Variants in CNTNAP2 observed in about 807,000 individuals in gnomAD.
The protein encoded by CNTNAP2 is contactin-associated protein-like 2.
Under a neutral mutation model 155.2 loss-of-function variants are expected in CNTNAP2, and 98 were observed. The ratio of observed to expected loss-of-function variants is 0.63; its 90% CI spans 0.54 to 0.75. CNTNAP2 has a LOEUF of 0.75. Among genes scored for constraint, CNTNAP2 ranks in the 30% least tolerant of loss-of-function variants. CNTNAP2 has a pLI of 0.00. For missense variants in CNTNAP2, 1,727 were observed against 1,688.1 expected, an observed-to-expected ratio of 1.02 and a Z score of -0.40; for synonymous variants, 651 against 631.2, an observed-to-expected ratio of 1.03 and a Z score of -0.47.
At chr7:147,009,883 T>G (rs538156241) in intron 3 of CNTNAP2, among the ~76,000 whole-genome samples, 144 of 152,274 alleles carry the variant, frequency 9.5e-4, no homozygotes, top group South Asian at 2.3e-3. Context: ...TGTATATAGA[T>G]GTATATGAAA....
At chr7:147,763,618 A>G (rs1357554251) in intron 13 of CNTNAP2, among the ~76,000 whole-genome samples, 4 of 152,120 alleles carry the variant, frequency 2.6e-5, no homozygotes, top group African/African-American at 9.7e-5. Flanking sequence ...GTTTCTCTGA[A>G]GACTTATTAC....
chr7:147,392,027 C>T (rs1380934823), intron 9 of CNTNAP2, among the ~76,000 whole-genome samples: 1 of 152,110 alleles, frequency 6.6e-6, no homozygotes, highest in Non-Finnish European at 1.5e-5. Context: ...CAATACTCTA[C>T]CTGGAAATGT....
Position 147,506,506 on chromosome 7 carries a change from C to T in CNTNAP2, c.1777+20465C>T, listed in dbSNP as rs139686018. On this transcript the variant is annotated intron_variant, in intron 11 of 23. Transcript: ENST00000361727. Reference sequence around the variant, plus strand: ...CCGACCTCAGGCAATCCACCTGCCTCGGCCTCCCAAAATGCTGGGATTACA... The same window carrying T: ...CCGACCTCAGGCAATCCACCTGCCTTGGCCTCCCAAAATGCTGGGATTACA... Among the ~76,000 whole-genome samples the T allele has an allele frequency of 2.3e-4, 35 of 152,290 alleles. No homozygotes were observed. The East Asian group carries it at 5.0e-3, about 22-fold the overall frequency.
chr7:147,807,986 T>TAAA (rs59556780), intron 13 of CNTNAP2, among the ~76,000 whole-genome samples: 3,770 of 146,654 alleles, frequency 0.026, 84 homozygotes, highest in Non-Finnish European at 0.042. Flanking sequence ...CTTTCTTTTT[T>TAAA]AAAAAAAAAA....
chr7:147,638,038 C>A (rs1324672532), intron 12 of CNTNAP2, among the ~76,000 whole-genome samples: 2 of 152,060 alleles, frequency 1.3e-5, no homozygotes, highest in African/African-American at 4.8e-5. Flanking sequence ...AGTTGGTTAC[C>A]TAGCATCTTC....
At chr7:146,664,415 C>G (rs1800151547) in intron 1 of CNTNAP2, among the ~76,000 whole-genome samples, 1 of 152,086 alleles carries the variant, frequency 6.6e-6, no homozygotes, top group Non-Finnish European at 1.5e-5. Flanking sequence ...CCCATCTCAG[C>G]CTCCCAAAGT....
chr7:146,540,465 CAGAA>C (rs1394592046), intron 1 of CNTNAP2, among the ~76,000 whole-genome samples: 4 of 152,140 alleles, frequency 2.6e-5, no homozygotes, highest in African/African-American at 9.6e-5. Context: ...AGGCTGATAA[CAGAA>C]AGAAGTATTA....
At chr7:147,712,944 T>C (rs934204032) in intron 13 of CNTNAP2, among the ~76,000 whole-genome samples, 3 of 152,270 alleles carry the variant, frequency 2.0e-5, no homozygotes, top group African/African-American at 2.4e-5. Flanking sequence ...CCCACCCTTT[T>C]GACATTTGAT....
At chr7:147,771,698 G>T (rs950901159) in intron 13 of CNTNAP2, among the ~76,000 whole-genome samples, 23 of 151,898 alleles carry the variant, frequency 1.5e-4, no homozygotes, top group African/African-American at 5.6e-4. Context: ...ATGTGTTTTA[G>T]GCAGGATTTG....
At chr7:148,146,139 A>C (rs1326289517) in intron 16 of CNTNAP2, among the ~76,000 whole-genome samples, 3 of 152,198 alleles carry the variant, frequency 2.0e-5, no homozygotes, top group Non-Finnish European at 4.4e-5. Context: ...ACCAGCCAAA[A>C]GAAGCTGAAT....
chr7:148,394,283 T>A (rs541440568), intron 22 of CNTNAP2, among the ~76,000 whole-genome samples: 48 of 152,320 alleles, frequency 3.2e-4, no homozygotes, highest in African/African-American at 1.1e-3. Flanking sequence ...TGAGGCTCCA[T>A]CCTCTCCACC....
intron 14 of CNTNAP2, among the ~76,000 whole-genome samples, chr7:147,945,103 CA>C (rs1481439625): frequency 5.3e-5 from 8 of 152,134 alleles, no homozygotes; most frequent in African/African-American, 1.9e-4. Flanking sequence ...AATTGCTAAA[CA>C]AATCAATTGG....
At chr7:146,768,793 T>G (rs1802243483) in intron 1 of CNTNAP2, among the ~76,000 whole-genome samples, 1 of 152,192 alleles carries the variant, frequency 6.6e-6, no homozygotes, top group Admixed American at 6.5e-5. Flanking sequence ...ACCAAATGGG[T>G]CATATAAAAC....
chr7:147,898,965 A>G (rs1055205920), intron 13 of CNTNAP2, among the ~76,000 whole-genome samples: 51 of 83,400 alleles, frequency 6.1e-4, no homozygotes, highest in Non-Finnish European at 9.1e-4. Flanking sequence ...ATATTGCAAA[A>G]TGTCTTTTTT....
chr7:146,454,176 G>T (rs1201486719), intron 1 of CNTNAP2, among the ~76,000 whole-genome samples: 3 of 152,058 alleles, frequency 2.0e-5, no homozygotes, highest in Non-Finnish European at 4.4e-5. Flanking sequence ...ACACAAAATG[G>T]CTGCTTATTC....
chr7:147,662,959 A>AT lies in CNTNAP2; in HGVS notation c.2098+23661dup, dbSNP rs1008850519. On this transcript the variant is annotated intron_variant, in intron 13 of 23. Coordinates refer to ENST00000361727, the MANE Select transcript of CNTNAP2 (RefSeq NM_014141.6). ...GAAAGTTACTTAGTTTTAGAGCGTG[A>AT]TTTTTTTTGTCTCACTGGATGTTTC... 3.9e-5 allele frequency among the ~76,000 whole-genome samples: 6 copies of AT among 152,018 alleles called. No homozygotes were observed. The East Asian group carries it at 7.7e-4, about 20-fold the overall frequency.
At chr7:148,057,372 C>T (rs951326667) in intron 15 of CNTNAP2, among the ~76,000 whole-genome samples, 6 of 152,088 alleles carry the variant, frequency 3.9e-5, no homozygotes, top group Admixed American at 1.3e-4. Context: ...ATAGAGACAA[C>T]GCCTTAAAAC....
intron 3 of CNTNAP2, among the ~76,000 whole-genome samples, chr7:146,999,325 G>A (rs11971475): frequency 0.041 from 6,167 of 149,494 alleles, 144 homozygotes; most frequent in African/African-American, 0.057. Context: ...AATTTTTGAT[G>A]TCACAATTTA....
chr7:147,021,740 G>T (rs928508201), intron 3 of CNTNAP2, among the ~76,000 whole-genome samples: 3 of 152,024 alleles, frequency 2.0e-5, no homozygotes, highest in African/African-American at 7.2e-5. Context: ...CCTCCTTGTG[G>T]TTTTTGTTAT....
Sources: gnomAD v4.1 joint callset for allele counts (sites outside exome capture counted in the v4.1 genomes callset) on GRCh38, gnomAD v4.1.1 for gene constraint, MANE v1.5 for transcripts, NCBI Gene and HGNC (gene_info 2026-07-23, HGNC 2026-07-21) for gene names.